MAGI2: variants seen among roughly 807,000 people sequenced by gnomAD.
MAGI2 encodes membrane-associated guanylate kinase, WW and PDZ domain-containing protein 2.
A neutral mutation model predicts 133.3 loss-of-function variants in MAGI2; 35 were observed. The ratio of observed to expected loss-of-function variants is 0.26; its 90% CI spans 0.20 to 0.35. MAGI2 has a LOEUF of 0.35. Ranked by LOEUF, MAGI2 falls within the 10% of genes least tolerant of loss-of-function variation. The pLI is 1.00. For missense variants in MAGI2, 1,636 were observed against 1,863.4 expected, an observed-to-expected ratio of 0.88 and a Z score of 2.25; for synonymous variants, 729 against 710.6, an observed-to-expected ratio of 1.03 and a Z score of -0.41.
At chr7:78,279,463 A>G (rs1253540669) in intron 9 of MAGI2, among the ~76,000 whole-genome samples, 2 of 134,436 alleles carry the variant, frequency 1.5e-5, no homozygotes, top group African/African-American at 5.8e-5. Flanking sequence ...TTATTTAGTC[A>G]GGAAGAGAGT....
rs1229543659 is a variant in MAGI2 at position 78,514,992 on chromosome 7, T to C, written c.754+6438A>G. Among the ~76,000 whole-genome samples the C allele has an allele frequency of 2.0e-5, 3 of 152,222 alleles. No individual in the cohort carries two copies. In the East Asian group the frequency reaches 5.8e-4, roughly 29 times the overall value. The stretch of plus-strand genomic sequence containing the variant: ...GTAGCTCTCATGGGCCCTGTTCCTC[T>C]TGGCATTGTGTGTGTGTGTGTCTGT... On this transcript the variant is annotated intron_variant, in intron 4 of 21. Transcript: ENST00000354212.
intron 9 of MAGI2, among the ~76,000 whole-genome samples, chr7:78,326,427 T>A (rs1408795823): frequency 6.6e-6 from 1 of 152,196 alleles, no homozygotes; most frequent in African/African-American, 2.4e-5. Flanking sequence ...AGGTGCCCTT[T>A]TAAATTACTC....
intron 1 of MAGI2, among the ~76,000 whole-genome samples, chr7:79,364,639 C>T (rs1842579152): frequency 6.6e-6 from 1 of 151,918 alleles, no homozygotes; most frequent in South Asian, 2.1e-4. Context: ...TTAGATCCCA[C>T]ACAATCATAT....
chr7:78,578,617 T>C (rs987901495), intron 3 of MAGI2, among the ~76,000 whole-genome samples: 1 of 151,848 alleles, frequency 6.6e-6, no homozygotes, highest in Admixed American at 6.6e-5. Context: ...CAGAGAGAAA[T>C]AGAAGATACA....
chr7:78,895,615 A>T (rs1357932576), intron 2 of MAGI2, among the ~76,000 whole-genome samples: 1 of 152,172 alleles, frequency 6.6e-6, no homozygotes, highest in Non-Finnish European at 1.5e-5. Flanking sequence ...ACAGTTTATC[A>T]GTTCTAGGGA....
intron 21 of MAGI2, among the ~76,000 whole-genome samples, chr7:78,025,916 C>T (rs980381185): frequency 5.3e-5 from 8 of 152,172 alleles, no homozygotes; most frequent in Non-Finnish European, 7.3e-5. Context: ...GCAGTAATAG[C>T]TTTACTTAAA....
rs200913209 is a variant in MAGI2, at chr7:78,275,199, G to GA, written c.1409-18619dup. 5.7e-3 allele frequency among the ~76,000 whole-genome samples: 867 copies of GA among 152,320 alleles called. 5 individuals carry two copies. The highest frequency in any genetic ancestry group is 0.02 in the African/African-American group (817 of 41,578). Reference sequence around the variant, plus strand: ...CTCATGGCTTCCCTTGGGAAGGGGAGAGAATTCCCCAACCCCTTGTGCTTC... The same window carrying GA: ...CTCATGGCTTCCCTTGGGAAGGGGAGAAGAATTCCCCAACCCCTTGTGCTTC... On this transcript the variant is annotated intron_variant, in intron 9 of 21. Transcript: ENST00000354212.
chr7:78,372,696 T>C (rs79006037), intron 6 of MAGI2, among the ~76,000 whole-genome samples: 2 of 152,304 alleles, frequency 1.3e-5, no homozygotes, highest in East Asian at 3.9e-4. Flanking sequence ...CTAGATTAAT[T>C]TGTAGTCAAT....
At chr7:78,365,571 G>A (rs1793292705) in intron 7 of MAGI2, among the ~76,000 whole-genome samples, 1 of 152,246 alleles carries the variant, frequency 6.6e-6, no homozygotes, top group South Asian at 2.1e-4. Flanking sequence ...TCACTATAGA[G>A]AGAATTATAA....
intron 1 of MAGI2, among the ~76,000 whole-genome samples, chr7:79,233,303 A>G (rs1831548639): frequency 9.1e-6 from 1 of 110,096 alleles, no homozygotes; most frequent in African/African-American, 3.5e-5. Context: ...GTAGATGTCT[A>G]TTAGGTCTGC....
intron 2 of MAGI2, among the ~76,000 whole-genome samples, chr7:78,984,379 A>C (rs371514198): frequency 6.6e-6 from 1 of 151,962 alleles, no homozygotes; most frequent in South Asian, 2.1e-4. Context: ...ATAAAGTCAA[A>C]GCCTTTATCA....
chr7:79,264,357 G>A (rs6968269), intron 1 of MAGI2, among the ~76,000 whole-genome samples: 103 of 152,068 alleles, frequency 6.8e-4, no homozygotes, highest in African/African-American at 2.4e-3. Context: ...AAAATGTAGG[G>A]GTTTTTTGGT....
chr7:79,024,312 C>T (rs1809643211), intron 1 of MAGI2, among the ~76,000 whole-genome samples: 1 of 152,094 alleles, frequency 6.6e-6, no homozygotes, highest in African/African-American at 2.4e-5. Context: ...CCCTTCCTTA[C>T]ACCATATACA....
intron 2 of MAGI2, among the ~76,000 whole-genome samples, chr7:78,984,195 C>T (rs932350690): frequency 6.6e-6 from 1 of 151,954 alleles, no homozygotes; most frequent in African/African-American, 2.4e-5. Context: ...CCACTGTTGC[C>T]CCTTGGTGTA....
At chr7:78,637,170 C>T (rs1032776695) in intron 2 of MAGI2, among the ~76,000 whole-genome samples, 11 of 152,164 alleles carry the variant, frequency 7.2e-5, no homozygotes, top group African/African-American at 2.7e-4. Flanking sequence ...ACCGGATTCA[C>T]AGAAAATAAG....
intron 2 of MAGI2, among the ~76,000 whole-genome samples, chr7:78,893,567 C>A (rs1796948849): frequency 6.6e-6 from 1 of 152,132 alleles, no homozygotes; most frequent in Non-Finnish European, 1.5e-5. Context: ...ATGATGAGTT[C>A]ATGTCCTTTG....
At chr7:78,440,652 T>C (rs1332207790) in intron 6 of MAGI2, among the ~76,000 whole-genome samples, 1 of 151,936 alleles carries the variant, frequency 6.6e-6, no homozygotes, top group East Asian at 1.9e-4. Context: ...GACAGTCAAG[T>C]TTAAAGTACC....
intron 2 of MAGI2, among the ~76,000 whole-genome samples, chr7:78,668,195 T>A (rs1276321808): frequency 6.6e-6 from 1 of 152,192 alleles, no homozygotes; most frequent in Non-Finnish European, 1.5e-5. Flanking sequence ...TGTCTTCTTT[T>A]GAGAAGTGTC....
intron 6 of MAGI2, among the ~76,000 whole-genome samples, chr7:78,378,522 A>G (rs543865230): frequency 6.6e-6 from 1 of 152,172 alleles, no homozygotes; most frequent in East Asian, 1.9e-4. Flanking sequence ...GAAAAATCAA[A>G]TTAACATTAA....
Sources: allele counts gnomAD v4.1 joint callset (sites outside exome capture counted in the v4.1 genomes callset), GRCh38; gene constraint gnomAD v4.1.1; transcripts MANE v1.5; gene names NCBI Gene and HGNC (gene_info 2026-07-23, HGNC 2026-07-21).